The following TMEM178B variants were observed in gnomAD, a reference collection of about 807,000 sequenced individuals.
The protein encoded by TMEM178B is transmembrane protein 178B.
TMEM178B carries 5 observed loss-of-function variants against 31.0 expected under a neutral mutation model. The observed-to-expected ratio is 0.16, with a 90% CI of 0.08 to 0.34. The LOEUF (loss-of-function observed/expected upper bound fraction) is 0.34, where lower values mean the gene tolerates loss of function less well. Among genes scored for constraint, TMEM178B ranks in the 10% least tolerant of loss-of-function variants. The pLI, the probability that TMEM178B is intolerant of heterozygous loss-of-function variation, is 1.00. For synonymous variants in TMEM178B, 164 were observed against 164.0 expected, an observed-to-expected ratio of 1.00 and a Z score of 0.00; for missense variants, 275 against 400.3, an observed-to-expected ratio of 0.69 and a Z score of 2.67.
chr7:141,091,314 A>C (rs1288970301), intron 1 of TMEM178B, among the ~76,000 whole-genome samples: 1 of 152,192 alleles, frequency 6.6e-6, no homozygotes, highest in Non-Finnish European at 1.5e-5. Context: ...GGTTTCATAA[A>C]ATGGTGGGTA....
chr7:141,390,063 A>G (rs6967369), intron 2 of TMEM178B, among the ~76,000 whole-genome samples: 5,159 of 152,298 alleles, frequency 0.034, 285 homozygotes, highest in African/African-American at 0.12. Flanking sequence ...TTCACCTAGA[A>G]ATACTTCAAG....
chr7:141,428,377 AAAAAAAAG>A (rs1292197014), intron 2 of TMEM178B, among the ~76,000 whole-genome samples: 2 of 141,486 alleles, frequency 1.4e-5, no homozygotes, highest in African/African-American at 2.7e-5. Flanking sequence ...TCAAAAAAAA[AAAAAAAAG>A]AAAAAAAGAA....
At chr7:141,194,784 G>T (rs1408331568) in intron 1 of TMEM178B, among the ~76,000 whole-genome samples, 1 of 152,140 alleles carries the variant, frequency 6.6e-6, no homozygotes, top group Non-Finnish European at 1.5e-5. Context: ...TCTCCATGAG[G>T]GCCCCACCCC....
At chr7:141,136,050 A>G (rs1795670926) in intron 1 of TMEM178B, among the ~76,000 whole-genome samples, 2 of 152,216 alleles carry the variant, frequency 1.3e-5, no homozygotes, top group African/African-American at 4.8e-5. Context: ...ATGGAACCAC[A>G]AAAGGCCCCA....
intron 1 of TMEM178B, among the ~76,000 whole-genome samples, chr7:141,110,245 A>G (rs566336387): frequency 2.6e-5 from 4 of 152,232 alleles, no homozygotes; most frequent in Non-Finnish European, 1.5e-5. Flanking sequence ...GTGGATTTCA[A>G]TGGAACAAGA....
the TMEM178B span, among the ~76,000 whole-genome samples, chr7:141,496,490 G>A: frequency 6.7e-6 from 1 of 148,474 alleles, no homozygotes; most frequent in Non-Finnish European, 1.5e-5. Context: ...CTAAAACGGT[G>A]AAACCCCGTC....
At chr7:141,215,802 CTTTCTTTCTTT>C (rs1166781524) in intron 2 of TMEM178B, among the ~76,000 whole-genome samples, 2 of 101,794 alleles carry the variant, frequency 2.0e-5, no homozygotes, top group Non-Finnish European at 3.9e-5. Context: ...TTCTTTCTTT[CTTTCTTTCTTT>C]CTTTCTTTCT....
chr7:141,239,077 G>C (rs892721744), intron 2 of TMEM178B, among the ~76,000 whole-genome samples: 5 of 152,142 alleles, frequency 3.3e-5, no homozygotes, highest in Non-Finnish European at 7.3e-5. Context: ...TGTTGTTGTT[G>C]TTAGCTGACC....
the TMEM178B span, among the ~76,000 whole-genome samples, chr7:141,487,246 C>T: frequency 1.3e-5 from 2 of 152,120 alleles, no homozygotes; most frequent in Non-Finnish European, 2.9e-5. Flanking sequence ...CATGCAGTTT[C>T]CTTTGTCTCC....
At chr7:141,374,846 C>T (rs1800184266) in intron 2 of TMEM178B, among the ~76,000 whole-genome samples, 1 of 152,184 alleles carries the variant, frequency 6.6e-6, no homozygotes, top group South Asian at 2.1e-4. Flanking sequence ...ACCTTGCCTT[C>T]CTAAGGCTCC....
intron 2 of TMEM178B, among the ~76,000 whole-genome samples, chr7:141,384,203 G>A (rs1249070721): frequency 7.2e-5 from 11 of 152,098 alleles, no homozygotes; most frequent in East Asian, 1.9e-4. Flanking sequence ...CTTTTGCTGT[G>A]CAGAAGCTCT....
chr7:141,272,904 A>G (rs1295759222), intron 2 of TMEM178B, among the ~76,000 whole-genome samples: 14 of 152,250 alleles, frequency 9.2e-5, no homozygotes, highest in Admixed American at 9.2e-4. Flanking sequence ...AGTCTGTCAA[A>G]GAGATATCCA....
chr7:141,218,933 G>A (rs1222054186), intron 2 of TMEM178B, among the ~76,000 whole-genome samples: 1 of 152,176 alleles, frequency 6.6e-6, no homozygotes, highest in Non-Finnish European at 1.5e-5. Flanking sequence ...TTCCCACTCA[G>A]AACTCTCTGG....
chr7:141,264,789 T>C (rs1156958094), intron 2 of TMEM178B, among the ~76,000 whole-genome samples: 2 of 152,164 alleles, frequency 1.3e-5, no homozygotes, highest in East Asian at 3.8e-4. Flanking sequence ...GAGGTTTTGT[T>C]TTTGTTGTAC....
At chr7:141,506,376 A>C in the TMEM178B span, among the ~76,000 whole-genome samples, 1 of 152,228 alleles carries the variant, frequency 6.6e-6, no homozygotes, top group Non-Finnish European at 1.5e-5. Context: ...TTGGACTTAC[A>C]GTTCCACATG....
intron 2 of TMEM178B, among the ~76,000 whole-genome samples, chr7:141,363,745 G>A (rs535778407): frequency 6.6e-6 from 1 of 152,170 alleles, no homozygotes; most frequent in East Asian, 1.9e-4. Flanking sequence ...AGATAAGCCT[G>A]GACACACAGG....
intron 1 of TMEM178B, among the ~76,000 whole-genome samples, chr7:141,081,386 AG>A (rs887260644): frequency 1.3e-5 from 2 of 152,224 alleles, no homozygotes; most frequent in African/African-American, 2.4e-5. Context: ...CTGTAATCCC[AG>A]CACTTTGGAG....
intron 1 of TMEM178B, among the ~76,000 whole-genome samples, chr7:141,106,166 A>G (rs1795142930): frequency 6.6e-6 from 1 of 151,590 alleles, no homozygotes; most frequent in Non-Finnish European, 1.5e-5. Context: ...GTTTGTATTT[A>G]TACTTGCATT....
At chr7:141,261,408 G>A (rs1798010048) in intron 2 of TMEM178B, among the ~76,000 whole-genome samples, 1 of 152,070 alleles carries the variant, frequency 6.6e-6, no homozygotes, top group Non-Finnish European at 1.5e-5. Flanking sequence ...AGGGGCAGAA[G>A]TTAGAACCTT....
Sources: allele counts gnomAD v4.1 joint callset (sites outside exome capture counted in the v4.1 genomes callset), GRCh38; gene constraint gnomAD v4.1.1; transcripts MANE v1.5; gene names NCBI Gene and HGNC (gene_info 2026-07-23, HGNC 2026-07-21).